Variants in EDNRB observed in about 807,000 individuals in gnomAD.
EDNRB encodes the protein Hirschsprung disease 2.
In EDNRB, 18 loss-of-function variants were observed where a neutral mutation model predicts 46.4. That is an observed-to-expected ratio of 0.39 (90% CI 0.27 to 0.57). The LOEUF (loss-of-function observed/expected upper bound fraction) is 0.57. Ranked by LOEUF, EDNRB falls within the 20% of genes least tolerant of loss-of-function variation. The probability of loss-of-function intolerance (pLI) is 0.61; values close to 1 mark genes in which losing one functional copy is unlikely to be tolerated. For missense variants in EDNRB, 434 were observed against 537.5 expected, an observed-to-expected ratio of 0.81 and a Z score of 1.90; for synonymous variants, 213 against 204.9, an observed-to-expected ratio of 1.04 and a Z score of -0.34.
intron 1 of EDNRB, among the ~76,000 whole-genome samples, chr13:77,936,083 C>T (rs530217243): frequency 7.2e-5 from 11 of 152,022 alleles, no homozygotes; most frequent in South Asian, 2.1e-4. Context: ...TGGCATTGAG[C>T]GGGATAAGAG....
chr13:77,955,434 T>C (rs1277814075), intron 1 of EDNRB, among the ~76,000 whole-genome samples: 1 of 152,204 alleles, frequency 6.6e-6, no homozygotes, highest in East Asian at 1.9e-4. Flanking sequence ...CATTTTATTT[T>C]TTAATTGTTT....
At chr13:77,962,930 G>C (rs559884757) in intron 1 of EDNRB, among the ~76,000 whole-genome samples, 2 of 152,102 alleles carry the variant, frequency 1.3e-5, no homozygotes, top group Non-Finnish European at 1.5e-5. Context: ...AAAGTCTCAG[G>C]ATACAAAATC....
intron 1 of EDNRB, among the ~76,000 whole-genome samples, chr13:77,925,953 A>G (rs780028661): frequency 1.9e-4 from 29 of 152,260 alleles, no homozygotes; most frequent in Non-Finnish European, 3.2e-4. Flanking sequence ...TTGCCTCAGC[A>G]TGACCCAGAT....
At chr13:77,927,742 T>C (rs935787833) in intron 1 of EDNRB, among the ~76,000 whole-genome samples, 8 of 152,212 alleles carry the variant, frequency 5.3e-5, no homozygotes, top group Non-Finnish European at 1.0e-4. Context: ...TAGCTTATGA[T>C]AGAGTCAAAT....
At chr13:77,940,634 A>G (rs771836107) in intron 1 of EDNRB, among the ~76,000 whole-genome samples, 1 of 152,126 alleles carries the variant, frequency 6.6e-6, no homozygotes, top group Non-Finnish European at 1.5e-5. Flanking sequence ...GTATACTCAC[A>G]CTGCGTGTTA....
upstream of EDNRB, among the ~76,000 whole-genome samples, chr13:77,921,051 G>A (rs1467912564): frequency 6.6e-6 from 1 of 152,056 alleles, no homozygotes; most frequent in Non-Finnish European, 1.5e-5. Context: ...TTTTCTTGGA[G>A]CACTTTTGGA....
chr13:77,942,182 G>GA (rs1052708022), intron 1 of EDNRB, among the ~76,000 whole-genome samples: 15 of 151,168 alleles, frequency 9.9e-5, no homozygotes, highest in East Asian at 1.9e-4. Flanking sequence ...CCTTGTCTGG[G>GA]AAAAAAAAAT....
chr13:77,960,662 T>C (rs1288872129), intron 1 of EDNRB, among the ~76,000 whole-genome samples: 2 of 152,082 alleles, frequency 1.3e-5, no homozygotes, highest in South Asian at 2.1e-4. Flanking sequence ...TCATCATAAT[T>C]GGCAGGATCA....
At chr13:77,917,037 A>G (rs1180640643) in intron 1 of EDNRB, among the ~76,000 whole-genome samples, 2 of 152,106 alleles carry the variant, frequency 1.3e-5, no homozygotes, top group Non-Finnish European at 2.9e-5. Flanking sequence ...ACCTGGAGCA[A>G]CCTGGCTCTT....
intron 1 of EDNRB, among the ~76,000 whole-genome samples, chr13:77,917,042 G>C (rs1566315733): frequency 1.3e-5 from 2 of 151,992 alleles, no homozygotes; most frequent in Non-Finnish European, 2.9e-5. Context: ...GAGCAACCTG[G>C]CTCTTTGTGT....
At chr13:77,921,992 A>C (rs1462353066), upstream of EDNRB, among the ~76,000 whole-genome samples, 1 of 152,108 alleles carries the variant, frequency 6.6e-6, no homozygotes, top group African/African-American at 2.4e-5. Flanking sequence ...GTTATCGATA[A>C]ATTTTATTTA....
At chr13:77,948,035 C>G (rs184584260) in intron 1 of EDNRB, among the ~76,000 whole-genome samples, 2 of 152,108 alleles carry the variant, frequency 1.3e-5, no homozygotes, top group African/African-American at 4.8e-5. Flanking sequence ...TGCTTTTATT[C>G]TTAAAATATC....
intron 1 of EDNRB, among the ~76,000 whole-genome samples, chr13:77,946,569 G>GA (rs906173945): frequency 8.6e-5 from 13 of 150,856 alleles, no homozygotes; most frequent in South Asian, 2.1e-4. Context: ...TATTATAAGA[G>GA]AAAAAAAAAC....
At position 77,945,901 on chromosome 13, in the gene EDNRB, A is replaced by AAAAAAC. The variant is rs1391892820; in HGVS notation, c.-51-27278_-51-27277insGTTTTT. Among the ~76,000 whole-genome samples, 231 of 150,680 alleles carry AAAAAAC rather than the reference A, an allele frequency of 1.5e-3. 2 individuals carry two copies. The highest frequency in any genetic ancestry group is 2.7e-3 in the Non-Finnish European group (182 of 67,564). ...CAAAAAAAAAAAAAAAAACAAAAAA[A>AAAAAAC]ACACACAATCCGAAGAGACAAAGCA... On this transcript the variant is annotated intron_variant, in intron 1 of 7. Coordinates refer to the EDNRB transcript ENST00000646948.
At chr13:77,900,168 C>A (rs1056464071) in intron 5 of EDNRB, among the ~76,000 whole-genome samples, 2 of 151,940 alleles carry the variant, frequency 1.3e-5, no homozygotes, top group Admixed American at 1.3e-4. Context: ...TGACTTTCCT[C>A]CATTTCCCCT....
intron 1 of EDNRB, among the ~76,000 whole-genome samples, chr13:77,941,522 A>G (rs1241047322): frequency 6.6e-6 from 1 of 152,226 alleles, no homozygotes; most frequent in Non-Finnish European, 1.5e-5. Context: ...TAACACTTTC[A>G]TAAGTTCACA....
chr13:77,931,200 C>CTAAAATAAAATAAAATAAAATAAAA, intron 1 of EDNRB, among the ~76,000 whole-genome samples: 1 of 151,994 alleles, frequency 6.6e-6, no homozygotes, highest in Middle Eastern at 3.4e-3. Flanking sequence ...GTAGTTGAGA[C>CTAAAATAAAATAAAATAAAATAAAA]TAAAATAAAA....
At chr13:77,964,777 T>C (rs949762024) in intron 1 of EDNRB, among the ~76,000 whole-genome samples, 7 of 151,088 alleles carry the variant, frequency 4.6e-5, no homozygotes, top group African/African-American at 1.5e-4. Flanking sequence ...TAAAGTATAA[T>C]AAAAGAGAAG....
At chr13:77,945,329 A>C (rs568223066) in intron 1 of EDNRB, among the ~76,000 whole-genome samples, 39 of 152,344 alleles carry the variant, frequency 2.6e-4, no homozygotes, top group African/African-American at 8.9e-4. Context: ...GATTGAACAA[A>C]TAAGTGAACC....
Sources: allele counts gnomAD v4.1 joint callset (sites outside exome capture counted in the v4.1 genomes callset), GRCh38; gene constraint gnomAD v4.1.1; transcripts MANE v1.5; gene names NCBI Gene and HGNC (gene_info 2026-07-23, HGNC 2026-07-21).